The following DGKB variants were observed in gnomAD, a reference collection of about 807,000 sequenced individuals.
DGKB encodes 90 kDa diacylglycerol kinase.
A neutral mutation model predicts 114.3 loss-of-function variants in DGKB; 67 were observed. The observed-to-expected ratio is 0.59, with a 90% CI of 0.48 to 0.72. The LOEUF (loss-of-function observed/expected upper bound fraction) is 0.72. Among genes scored for constraint, DGKB ranks in the 30% least tolerant of loss-of-function variants. The probability of loss-of-function intolerance (pLI) is 0.00; values close to 1 mark genes in which losing one functional copy is unlikely to be tolerated. For synonymous variants in DGKB, 398 were observed against 323.1 expected (o/e 1.23, Z -2.49); for missense variants, 907 against 975.2 (o/e 0.93, Z 0.93).
rs1799852443 is a variant in DGKB, at chr7:14,581,009, A to T, written c.1520-58T>A. ...ATTTTAAGTTCAGATAAAACGACGGAAATAAAAAGATAGCCTGATGACATT... is the reference window on the plus strand; with the variant it reads ...ATTTTAAGTTCAGATAAAACGACGGTAATAAAAAGATAGCCTGATGACATT... On this transcript the variant is annotated intron_variant, in intron 18 of 25. Transcript: ENST00000402815. 11 of 1,220,060 alleles carry T rather than the reference A, an allele frequency of 9.0e-6. No homozygotes were observed. The Admixed American group carries it at 2.3e-4, about 25-fold the overall frequency. 75.6% of individuals were successfully genotyped at this position (1,220,060 alleles called of 1,614,324 possible).
rs1373937322 is a variant in DGKB, at chr7:14,574,346, T to C, written c.1636A>G (p.Ile546Val). 1 of 1,612,394 alleles carries C rather than the reference T, an allele frequency of 6.2e-7. No individual in the cohort carries two copies. Among genetic ancestry groups the C allele is most frequent in the African/African-American group, 1.3e-5 (1 of 74,844 alleles). Residue 546 changes from isoleucine (I) to valine (V), a missense_variant, in exon 20 of 26, where the codon ATT (isoleucine) becomes GTT (valine). By Grantham distance (29) the Ile-to-Val change is conservative (BLOSUM62 3). Coordinates refer to ENST00000402815, the MANE Select transcript of DGKB (RefSeq NM_001350709.2). ...GGYEGENLMK[I>V]LKDIENSTEI... ...GTGCTGTTTTCAATGTCTTTTAGAA[T>C]TTTCATCAGATTCTCACCTTCGTAA... is the stretch of plus-strand genomic sequence containing the variant.
intron 21 of DGKB, among the ~76,000 whole-genome samples, chr7:14,433,651 C>G (rs1191837872): frequency 6.6e-6 from 1 of 151,926 alleles, no homozygotes; most frequent in Admixed American, 6.6e-5. Context: ...TTTGTTCCCC[C>G]CTTTTAACTT....
chr7:14,745,060 C>T (rs187957878), intron 4 of DGKB, among the ~76,000 whole-genome samples: 1 of 152,236 alleles, frequency 6.6e-6, no homozygotes, highest in African/African-American at 2.4e-5. Context: ...AGGAGCAAAC[C>T]AAAGCCAAGC....
intron 4 of DGKB, among the ~76,000 whole-genome samples, chr7:14,753,419 A>C (rs1834395938): frequency 6.6e-6 from 1 of 152,174 alleles, no homozygotes; most frequent in Non-Finnish European, 1.5e-5. Flanking sequence ...TGGTTGAAGC[A>C]ACAGATTGAA....
intron 21 of DGKB, among the ~76,000 whole-genome samples, chr7:14,396,636 G>C (rs1320352857): frequency 6.6e-6 from 1 of 152,146 alleles, no homozygotes; most frequent in Non-Finnish European, 1.5e-5. Flanking sequence ...TGACATGTAG[G>C]TTAAAGCAGA....
intron 20 of DGKB, among the ~76,000 whole-genome samples, chr7:14,545,285 G>A (rs1794101814): frequency 6.6e-6 from 1 of 152,110 alleles, no homozygotes; most frequent in South Asian, 2.1e-4. Context: ...AAGTCTATAT[G>A]ATGAAAGTAA....
rs373652144 is a variant in DGKB at position 14,481,027 on chromosome 7, AT to A, written c.1771-2803del. The stretch of plus-strand genomic sequence containing the variant: ...GCTTTATTTTTAATTAATTAAAAAA[AT>A]CTAAGAAATGAAAATAAGTCAATCT... On this transcript the variant is annotated intron_variant, in intron 20 of 25. Coordinates refer to ENST00000402815, the MANE Select transcript of DGKB (RefSeq NM_001350709.2). 5.6e-4 allele frequency among the ~76,000 whole-genome samples: 85 copies of A among 152,128 alleles called. 1 individual carries two copies. The East Asian group carries it at 0.011, about 20-fold the overall frequency.
chr7:14,620,782 G>T (rs1807485087), intron 15 of DGKB, among the ~76,000 whole-genome samples: 1 of 151,652 alleles, frequency 6.6e-6, no homozygotes, highest in Non-Finnish European at 1.5e-5. Context: ...AGGCGGTAAA[G>T]ATAACTTACA....
At chr7:14,203,803 G>C (rs150455157) in intron 23 of DGKB, among the ~76,000 whole-genome samples, 116 of 152,078 alleles carry the variant, frequency 7.6e-4, no homozygotes, top group African/African-American at 2.8e-3. Flanking sequence ...TGTTCCATGA[G>C]ATATATTTTG....
chr7:14,174,669 C>A (rs1390621232), intron 25 of DGKB, among the ~76,000 whole-genome samples: 2 of 152,148 alleles, frequency 1.3e-5, no homozygotes, highest in African/African-American at 4.8e-5. Context: ...CCATCACCAC[C>A]ATTACCACGA....
intron 23 of DGKB, among the ~76,000 whole-genome samples, chr7:14,309,875 T>C (rs1236733608): frequency 6.6e-6 from 1 of 152,034 alleles, no homozygotes; most frequent in Non-Finnish European, 1.5e-5. Flanking sequence ...GTACACAGAG[T>C]ATGTAGCCTA....
intron 2 of DGKB, among the ~76,000 whole-genome samples, chr7:14,820,599 C>T (rs1438169810): frequency 6.6e-6 from 1 of 152,136 alleles, no homozygotes; most frequent in African/African-American, 2.4e-5. Context: ...TTGCAAACTT[C>T]AAACTATTTC....
chr7:14,842,729 T>C (rs1350545616), intron 1 of DGKB, among the ~76,000 whole-genome samples: 2 of 141,272 alleles, frequency 1.4e-5, no homozygotes, highest in African/African-American at 5.4e-5. Context: ...GGGAGACAGA[T>C]GATTCTGTCA....
intron 21 of DGKB, among the ~76,000 whole-genome samples, chr7:14,378,925 T>C (rs558413442): frequency 6.6e-6 from 1 of 152,194 alleles, no homozygotes; most frequent in East Asian, 1.9e-4. Flanking sequence ...CGCATTTTGG[T>C]GAAGCAGGAA....
chr7:14,303,590 G>C (rs1006840413), intron 23 of DGKB, among the ~76,000 whole-genome samples: 1 of 151,730 alleles, frequency 6.6e-6, no homozygotes, highest in Non-Finnish European at 1.5e-5. Context: ...ACCAAACCTA[G>C]TCTTGATCTA....
intron 23 of DGKB, 90 bp downstream of exon 23, chr7:14,338,425 T>C (rs1002670313): frequency 1.4e-6 from 1 of 707,758 alleles, no homozygotes; most frequent in Non-Finnish European, 2.2e-6. Flanking sequence ...ATATAAATTA[T>C]TATAGTGCAA....
chr7:14,371,805 T>C (rs1281854825), intron 21 of DGKB, among the ~76,000 whole-genome samples: 1 of 152,158 alleles, frequency 6.6e-6, no homozygotes. Flanking sequence ...AATTTTACAT[T>C]GACATTACTT....
chr7:14,281,484 T>C (rs1257200278), intron 23 of DGKB, among the ~76,000 whole-genome samples: 1 of 146,088 alleles, frequency 6.8e-6, no homozygotes, highest in Non-Finnish European at 1.5e-5. Flanking sequence ...TACCCAGGAA[T>C]TGAACTCAGC....
At chr7:14,397,714 C>G (rs557681165) in intron 21 of DGKB, among the ~76,000 whole-genome samples, 1 of 152,096 alleles carries the variant, frequency 6.6e-6, no homozygotes, top group East Asian at 1.9e-4. Context: ...TGTTTGGTTA[C>G]GTTTTGTTTC....
Sources: gnomAD v4.1 joint callset for allele counts (sites outside exome capture counted in the v4.1 genomes callset) on GRCh38, gnomAD v4.1.1 for gene constraint, MANE v1.5 for transcripts, NCBI Gene and HGNC (gene_info 2026-07-23, HGNC 2026-07-21) for gene names.